The following COL4A5 variants were observed in gnomAD, a reference collection of about 807,000 sequenced individuals.
The protein encoded by COL4A5 is collagen alpha-5(IV) chain.
A neutral mutation model predicts 130.2 loss-of-function variants in COL4A5; 26 were observed. The ratio of observed to expected loss-of-function variants is 0.20; its 90% CI spans 0.15 to 0.28. COL4A5 has a LOEUF of 0.28. COL4A5 is among the 10% of genes least tolerant of loss of function. The probability of loss-of-function intolerance (pLI) is 1.00; values close to 1 mark genes in which losing one functional copy is unlikely to be tolerated. For synonymous variants in COL4A5, 496 were observed against 439.6 expected (o/e 1.13, Z -1.60); for missense variants, 1,131 against 1,344.3 (o/e 0.84, Z 2.48).
chrX:108,459,408 A>G (rs1480668773), intron 1 of COL4A5, among the ~76,000 whole-genome samples: 1 of 111,912 alleles, frequency 8.9e-6, no homozygotes, highest in Non-Finnish European at 1.9e-5. Flanking sequence ...TTGAAAACAT[A>G]TGCTTCACAC....
At chrX:108,646,862 G>T (rs1245924311) in intron 36 of COL4A5, among the ~76,000 whole-genome samples, 1 of 109,920 alleles carries the variant, frequency 9.1e-6, no homozygotes, top group African/African-American at 3.4e-5. Flanking sequence ...GCTTGTTTTT[G>T]TCAGGTTTGT....
At chrX:108,599,001 C>A in intron 25 of COL4A5, 131 bp downstream of exon 25, 1 of 583,217 alleles carries the variant, frequency 1.7e-6, no homozygotes, top group Non-Finnish European at 2.8e-6. Context: ...TTCAGAGCAT[C>A]TTAGCAAGGG....
intron 1 of COL4A5, among the ~76,000 whole-genome samples, chrX:108,501,693 C>T (rs1647083144): frequency 8.9e-6 from 1 of 111,965 alleles, no homozygotes; most frequent in Non-Finnish European, 1.9e-5. Context: ...TACCTTTAGC[C>T]ATGATATAGT....
intron 1 of COL4A5, among the ~76,000 whole-genome samples, chrX:108,532,589 C>A (rs1285268218): frequency 9.0e-6 from 1 of 111,010 alleles, no homozygotes; most frequent in Non-Finnish European, 1.9e-5. Flanking sequence ...AGCAATCAAG[C>A]AAGTGAAAAA....
chrX:108,537,726 A>C (rs2065476242), intron 1 of COL4A5, among the ~76,000 whole-genome samples: 1 of 112,263 alleles, frequency 8.9e-6, no homozygotes, highest in African/African-American at 3.2e-5. Flanking sequence ...TCACATATAA[A>C]GTTCAGACAT....
intron 1 of COL4A5, among the ~76,000 whole-genome samples, chrX:108,441,796 A>G (rs1162053494): frequency 1.8e-5 from 2 of 111,817 alleles, no homozygotes; most frequent in Admixed American, 9.5e-5. Context: ...TTAAATATAT[A>G]TATGTTTTTT....
chrX:108,463,292 A>G (rs1389509840), intron 1 of COL4A5, among the ~76,000 whole-genome samples: 3 of 112,271 alleles, frequency 2.7e-5, no homozygotes, highest in South Asian at 3.7e-4. Context: ...AATTATGAGT[A>G]CTATAATTTA....
At chrX:108,486,224 T>C (rs2064943818) in intron 1 of COL4A5, among the ~76,000 whole-genome samples, 1 of 111,672 alleles carries the variant, frequency 9.0e-6, no homozygotes, top group African/African-American at 3.3e-5. Flanking sequence ...GACTCTTTTC[T>C]ACCCTCTCCA....
chrX:108,575,129 C>T (rs771360824), intron 9 of COL4A5, among the ~76,000 whole-genome samples: 6 of 111,710 alleles, frequency 5.4e-5, no homozygotes, highest in African/African-American at 2.0e-4. Context: ...TGATTTATAT[C>T]TAAGTATAGA....
At position 108,624,330 on chromosome X, in the gene COL4A5, A is replaced by G. The variant is rs754539134; in HGVS notation, c.3012A>G (p.Pro1004=). The G allele has an allele frequency of 1.7e-6, 2 of 1,194,302 alleles. No homozygotes were observed. The highest frequency in any genetic ancestry group is 3.0e-5 in the East Asian group (1 of 33,664). The change falls in exon 34 of 53, where the codon CCA becomes CCG. Residue 1004 remains proline (P), a synonymous_variant. Coordinates refer to ENST00000328300, the MANE Select transcript of COL4A5 (RefSeq NM_033380.3). ...GLSGQPGLPG[P]PGPKGNPGLP... is the part of the protein sequence containing the mutation. ...GTGGACAACCTGGATTACCAGGACCACCAGGTAAGTGTGATAGGCCATTTG... is the reference window on the plus strand; with the variant it reads ...GTGGACAACCTGGATTACCAGGACCGCCAGGTAAGTGTGATAGGCCATTTG...
chrX:108,650,508 A>G (rs967934508), intron 36 of COL4A5, among the ~76,000 whole-genome samples: 1 of 112,170 alleles, frequency 8.9e-6, no homozygotes, highest in Non-Finnish European at 1.9e-5. Flanking sequence ...TGCAGTTGCA[A>G]AATTATGGAA....
At chrX:108,562,291 T>G (rs1458393141) in intron 3 of COL4A5, among the ~76,000 whole-genome samples, 1 of 111,720 alleles carries the variant, frequency 9.0e-6, no homozygotes, top group Admixed American at 9.6e-5. Flanking sequence ...AAATAGGTGT[T>G]TTGGAAGAGA....
intron 37 of COL4A5, among the ~76,000 whole-genome samples, chrX:108,661,519 T>C (rs2067957125): frequency 8.9e-6 from 1 of 112,134 alleles, no homozygotes; most frequent in South Asian, 3.7e-4. Flanking sequence ...ATATTTATTA[T>C]AGCTATTTTA....
chrX:108,518,377 G>A (rs1056968126), intron 1 of COL4A5, among the ~76,000 whole-genome samples: 1 of 111,008 alleles, frequency 9.0e-6, no homozygotes, highest in African/African-American at 3.3e-5. Flanking sequence ...ACTTTTCTGT[G>A]GATTTTTAAG....
At chrX:108,539,658 G>T in intron 1 of COL4A5, 88 bp from the exon 2 acceptor site, 1 of 754,217 alleles carries the variant, frequency 1.3e-6, no homozygotes. Flanking sequence ...TTTCAAGTTT[G>T]GATTGTTGAT....
chrX:108,695,014 T>C, intron 51 of COL4A5, 93 bp downstream of exon 51: 1 of 760,087 alleles, frequency 1.3e-6, no homozygotes, highest in Non-Finnish European at 2.0e-6. Flanking sequence ...GTCATTTGCA[T>C]AATAAGAAGC....
chrX:108,635,560 GAC>G (rs1303460049), intron 36 of COL4A5, among the ~76,000 whole-genome samples: 1 of 111,365 alleles, frequency 9.0e-6, no homozygotes, highest in Non-Finnish European at 1.9e-5. Context: ...TGCTGAAATT[GAC>G]AAGTGTATCC....
chrX:108,497,711 C>G (rs1489618370), intron 1 of COL4A5, among the ~76,000 whole-genome samples: 1 of 111,805 alleles, frequency 8.9e-6, no homozygotes, highest in Non-Finnish European at 1.9e-5. Context: ...ACCTATTTCT[C>G]TCTGGAGGTT....
chrX:108,545,058 C>T (rs1339665023), intron 2 of COL4A5, among the ~76,000 whole-genome samples: 1 of 111,517 alleles, frequency 9.0e-6, no homozygotes, highest in African/African-American at 3.3e-5. Context: ...TTCAAAAAAC[C>T]AGCTCCTGGA....
Sources: allele counts gnomAD v4.1 joint callset (sites outside exome capture counted in the v4.1 genomes callset), GRCh38; gene constraint gnomAD v4.1.1; transcripts MANE v1.5; gene names NCBI Gene and HGNC (gene_info 2026-07-23, HGNC 2026-07-21).